REPS1: variants seen among roughly 807,000 people sequenced by gnomAD.
REPS1 encodes the protein ralBP1-associated Eps domain-containing protein 1.
Under a neutral mutation model 100.9 loss-of-function variants are expected in REPS1, and 39 were observed. The observed-to-expected ratio is 0.39, with a 90% CI of 0.30 to 0.50. The LOEUF is 0.50. Among genes scored for constraint, REPS1 ranks in the 20% least tolerant of loss-of-function variants. The pLI is 0.86. For missense variants in REPS1, 821 were observed against 968.5 expected (o/e 0.85, Z 2.02); for synonymous variants, 324 against 340.3 (o/e 0.95, Z 0.53).
At chr6:138,953,179 T>C (rs1004689406) in intron 1 of REPS1, among the ~76,000 whole-genome samples, 1 of 152,102 alleles carries the variant, frequency 6.6e-6, no homozygotes, top group Non-Finnish European at 1.5e-5. Flanking sequence ...TCTCACCCTA[T>C]ATAAAAATCA....
chr6:138,921,180 A>T (rs1205696188), intron 10 of REPS1, 56 bp from the exon 11 acceptor site: 5 of 1,180,500 alleles, frequency 4.2e-6, no homozygotes, highest in Non-Finnish European at 5.0e-6. Flanking sequence ...AGCTAATGCC[A>T]TGCAATAATC....
intron 10 of REPS1, 47 bp from the exon 11 acceptor site, chr6:138,921,171 G>T: frequency 7.9e-7 from 1 of 1,263,318 alleles, no homozygotes; most frequent in Non-Finnish European, 1.1e-6. Flanking sequence ...AAAATGTCAA[G>T]CTAATGCCAT....
intron 1 of REPS1, among the ~76,000 whole-genome samples, chr6:138,976,871 T>C (rs1784626611): frequency 1.3e-5 from 2 of 152,342 alleles, no homozygotes; most frequent in Middle Eastern, 3.4e-3. Context: ...AGATGAGATA[T>C]GGCAATCTCC....
Position 138,949,727 on chromosome 6 carries a change from T to TA in REPS1, c.154-1815dup, listed in dbSNP as rs56804604. On this transcript the variant is annotated intron_variant, in intron 1 of 19. Coordinates refer to ENST00000450536, the MANE Select transcript of REPS1 (RefSeq NM_001286611.2). ...GGTGACAGACTGAAACTCCATCTCATAAAAAAAAAAAAGGTTTTATTATAT... is the reference window on the plus strand; with the variant it reads ...GGTGACAGACTGAAACTCCATCTCATAAAAAAAAAAAAAGGTTTTATTATAT... Among the ~76,000 whole-genome samples, 775 of 149,180 alleles carry TA rather than the reference T, an allele frequency of 5.2e-3. 2 individuals carry two copies. Among genetic ancestry groups the TA allele is most frequent in the Admixed American group, 0.01 (157 of 14,964 alleles).
chr6:138,979,525 T>G (rs114286715), intron 1 of REPS1, among the ~76,000 whole-genome samples: 248 of 152,302 alleles, frequency 1.6e-3, no homozygotes, highest in African/African-American at 5.6e-3. Context: ...TCTACACTAG[T>G]CCATGAAACT....
At chr6:138,943,602 A>C in intron 6 of REPS1, 26 bp from the exon 7 acceptor site, 1 of 1,506,586 alleles carries the variant, frequency 6.6e-7, no homozygotes, top group Non-Finnish European at 9.2e-7. Context: ...AGTGTTGTTT[A>C]ATGTTATTCT....
chr6:138,973,657 T>G (rs1784453403), intron 1 of REPS1, among the ~76,000 whole-genome samples: 1 of 151,366 alleles, frequency 6.6e-6, no homozygotes, highest in African/African-American at 2.4e-5. Context: ...AAATCCCAGC[T>G]CAATGACTTA....
chr6:138,944,487 A>C lies in REPS1; in HGVS notation c.753+11T>G, dbSNP rs1396409726. ...AGCAAATAAAAATGCAATACCAATAAAATGTCACACCTGGACAGAAGCAGG... is the reference window on the plus strand; with the variant it reads ...AGCAAATAAAAATGCAATACCAATACAATGTCACACCTGGACAGAAGCAGG... On this transcript the variant is annotated intron_variant, in intron 5 of 19. Coordinates refer to ENST00000450536, the MANE Select transcript of REPS1 (RefSeq NM_001286611.2). 1.9e-6 allele frequency: 3 copies of C among 1,611,482 alleles called. No individual in the cohort carries two copies. In the East Asian group the frequency reaches 6.7e-5, roughly 36 times the overall value.
chr6:138,965,172 A>C (rs1038006574), intron 1 of REPS1, among the ~76,000 whole-genome samples: 2 of 152,132 alleles, frequency 1.3e-5, no homozygotes, highest in East Asian at 3.8e-4. Flanking sequence ...TACTGCTCAT[A>C]ATCAGTCTCA....
chr6:138,928,492 T>C (rs568162126), intron 9 of REPS1: 202 of 149,526 alleles, frequency 1.4e-3, no homozygotes, highest in African/African-American at 4.7e-3. Context: ...ATTTTTCACA[T>C]ATCGAAAAAA....
intron 8 of REPS1, among the ~76,000 whole-genome samples, chr6:138,939,305 A>C (rs1241926908): frequency 6.6e-6 from 1 of 152,198 alleles, no homozygotes; most frequent in African/African-American, 2.4e-5. Context: ...GGTCTGTGAT[A>C]CTTTTAAAAT....
chr6:138,971,300 CTG>C (rs1247073723), intron 1 of REPS1, among the ~76,000 whole-genome samples: 5 of 152,166 alleles, frequency 3.3e-5, no homozygotes, highest in South Asian at 2.1e-4. Flanking sequence ...GTAGTACAAT[CTG>C]TAATTCTGAC....
At chr6:138,969,783 T>C (rs1332226252) in intron 1 of REPS1, among the ~76,000 whole-genome samples, 1 of 151,690 alleles carries the variant, frequency 6.6e-6, no homozygotes, top group Non-Finnish European at 1.5e-5. Context: ...TGATGTCTGG[T>C]CCATTATAGG....
rs1780667915 is a variant in REPS1 at position 138,920,289 on chromosome 6, A to G, written c.1454T>C (p.Leu485Pro). Residue 485 changes from leucine to proline, a missense_variant, in exon 12 of 20, where the codon CTT (leucine) becomes CCT (proline). Leu to Pro is a moderately conservative substitution (Grantham distance 98, BLOSUM62 -3). Around this residue, in one of 3 missense-constraint regions of REPS1, gnomAD observed 757 missense variants for 866.4 expected, o/e 0.87. Coordinates refer to ENST00000450536, the MANE Select transcript of REPS1 (RefSeq NM_001286611.2). Reference protein sequence around the residue: ...SDHTNPTSPLLVKPSDLLEEN... With the variant: ...SDHTNPTSPLPVKPSDLLEEN... Reference sequence around the variant, plus strand: ...TTCTAAAAGGTCAGATGGTTTCACAAGTAATGGGCTAGTGGGATTTGTATG... The same window carrying G: ...TTCTAAAAGGTCAGATGGTTTCACAGGTAATGGGCTAGTGGGATTTGTATG... 6.3e-7 allele frequency: 1 copy of G among 1,598,506 alleles called. No homozygotes were observed. Among genetic ancestry groups the G allele is most frequent in the South Asian group, 1.1e-5 (1 of 90,732 alleles).
At chr6:138,938,191 C>A (rs560992396) in intron 8 of REPS1, among the ~76,000 whole-genome samples, 2 of 152,018 alleles carry the variant, frequency 1.3e-5, no homozygotes, top group African/African-American at 4.8e-5. Flanking sequence ...TAATTCAGGT[C>A]GACAGAAGTA....
At chr6:138,983,225 G>T (rs1175028906) in intron 1 of REPS1, among the ~76,000 whole-genome samples, 1 of 152,124 alleles carries the variant, frequency 6.6e-6, no homozygotes, top group Admixed American at 6.5e-5. Flanking sequence ...AGGCTGAAGT[G>T]GGCAGATCAC....
chr6:138,922,695 T>A (rs760625660), intron 10 of REPS1, among the ~76,000 whole-genome samples: 1 of 152,196 alleles, frequency 6.6e-6, no homozygotes, highest in Non-Finnish European at 1.5e-5. Flanking sequence ...GCTCCTTCTA[T>A]GAGGGGTCAG....
In REPS1 at chr6:138,987,703, C is replaced by G. The variant is rs1426937752; in HGVS notation, c.-21G>C. 2.6e-6 allele frequency: 4 copies of G among 1,530,130 alleles called. No individual in the cohort carries two copies. The highest frequency in any genetic ancestry group is 3.5e-6 in the Non-Finnish European group (4 of 1,136,648). The allele number at this position is 1,530,130 out of a possible 1,614,324, so 94.8% of individuals were successfully genotyped here. ...TCCATCTTCGCCTCCGGCTCACGGC[C>G]GCCCCGCCCCGCATGCACTACTCGG... is the stretch of plus-strand genomic sequence containing the variant. On this transcript the variant is annotated 5_prime_UTR_variant, in exon 1 of 20. Transcript: ENST00000450536.
intron 9 of REPS1, chr6:138,928,664 A>C (rs897680098): frequency 6.6e-6 from 1 of 152,190 alleles, no homozygotes; most frequent in Non-Finnish European, 1.5e-5. Context: ...CATGGGCTTT[A>C]GATTTGAGAT....
Sources: allele counts gnomAD v4.1 joint callset (sites outside exome capture counted in the v4.1 genomes callset), GRCh38; gene constraint gnomAD v4.1.1; regional missense constraint gnomAD v4.1.1; transcripts MANE v1.5; gene names NCBI Gene and HGNC (gene_info 2026-07-23, HGNC 2026-07-21).